TBC1D5: variants seen among roughly 807,000 people sequenced by gnomAD.
The protein encoded by TBC1D5 is TBC1 domain family, member 5.
Under a neutral mutation model 100.3 loss-of-function variants are expected in TBC1D5, and 75 were observed. The observed-to-expected ratio is 0.75, with a 90% CI of 0.62 to 0.91. The LOEUF (loss-of-function observed/expected upper bound fraction) is 0.91, where lower values mean the gene tolerates loss of function less well. Ranked by LOEUF, TBC1D5 falls within the 40% of genes least tolerant of loss-of-function variation. TBC1D5 has a pLI of 0.00. For missense variants in TBC1D5, 910 were observed against 942.4 expected (o/e 0.97, Z 0.45); for synonymous variants, 323 against 325.6 (o/e 0.99, Z 0.09).
intron 1 of TBC1D5, among the ~76,000 whole-genome samples, chr3:17,679,791 G>A (rs148879000): frequency 6.6e-6 from 1 of 151,432 alleles, no homozygotes; most frequent in Admixed American, 6.6e-5. Flanking sequence ...AAGTATTACT[G>A]ATTTATCTTT....
chr3:17,491,750 C>G (rs2095642877), intron 3 of TBC1D5, among the ~76,000 whole-genome samples: 3 of 152,058 alleles, frequency 2.0e-5, no homozygotes, highest in Admixed American at 1.3e-4. Context: ...GGGATGTTGC[C>G]TTAAGTTTTC....
chr3:17,382,827 G>A (rs1489457202), intron 9 of TBC1D5, among the ~76,000 whole-genome samples: 1 of 152,084 alleles, frequency 6.6e-6, no homozygotes, highest in East Asian at 1.9e-4. Context: ...CTTACAAAGT[G>A]CTGGGATTAT....
chr3:17,689,272 G>T (rs1260799126), intron 1 of TBC1D5, among the ~76,000 whole-genome samples: 1 of 152,138 alleles, frequency 6.6e-6, no homozygotes, highest in Non-Finnish European at 1.5e-5. Flanking sequence ...GGGCACAATG[G>T]CTCACGACTG....
At chr3:17,195,996 C>T (rs773836961) in intron 18 of TBC1D5, among the ~76,000 whole-genome samples, 2 of 152,114 alleles carry the variant, frequency 1.3e-5, no homozygotes, top group Admixed American at 6.5e-5. Flanking sequence ...CTCTAGAGGA[C>T]GCCAGAGCAA....
At chr3:17,415,678 T>A (rs1378250289) in intron 4 of TBC1D5, among the ~76,000 whole-genome samples, 3 of 152,090 alleles carry the variant, frequency 2.0e-5, no homozygotes, top group Non-Finnish European at 4.4e-5. Flanking sequence ...CATAATTAGA[T>A]TAATAATAAA....
intron 3 of TBC1D5, among the ~76,000 whole-genome samples, chr3:17,479,663 C>A (rs1194761380): frequency 6.6e-6 from 1 of 152,026 alleles, no homozygotes; most frequent in Non-Finnish European, 1.5e-5. Context: ...AGAGTGAGAC[C>A]CCATCTCTAC....
intron 14 of TBC1D5, among the ~76,000 whole-genome samples, chr3:17,294,014 CT>C (rs1400320896): frequency 2.0e-5 from 3 of 152,178 alleles, no homozygotes; most frequent in Non-Finnish European, 4.4e-5. Flanking sequence ...ACCCAAAAGT[CT>C]AGCTGCAGAG....
rs200712451 is a variant in TBC1D5 at position 17,455,269 on chromosome 3, CAT to C, written c.98-26752_98-26751del. ...TATTGTATATATGTATACATATATA[CAT>C]ATATGTGTGTATATATGTATATATG... On this transcript the variant is annotated intron_variant, in intron 3 of 21. Coordinates refer to ENST00000253692, the Ensembl canonical transcript of TBC1D5. Among the ~76,000 whole-genome samples the C allele has an allele frequency of 2.6e-3, 360 of 139,704 alleles. 5 individuals carry two copies. In the East Asian group the frequency reaches 0.05, roughly 20 times the overall value. The allele number at this position is 139,704 out of a possible 152,430, so 91.7% of individuals were successfully genotyped here.
intron 2 of TBC1D5, among the ~76,000 whole-genome samples, chr3:17,509,783 T>C (rs909465103): frequency 2.6e-5 from 4 of 152,060 alleles, no homozygotes; most frequent in Admixed American, 2.6e-4. Flanking sequence ...GTATCTCCAG[T>C]ATAATATCCA....
intron 18 of TBC1D5, among the ~76,000 whole-genome samples, chr3:17,199,237 A>G (rs1381611892): frequency 6.6e-6 from 1 of 152,254 alleles, no homozygotes; most frequent in South Asian, 2.1e-4. Flanking sequence ...AGGACTGAGG[A>G]TGTATGACTG....
At chr3:17,533,092 C>T (rs925391000) in intron 2 of TBC1D5, among the ~76,000 whole-genome samples, 1 of 151,660 alleles carries the variant, frequency 6.6e-6, no homozygotes, top group Non-Finnish European at 1.5e-5. Flanking sequence ...CACACACACA[C>T]ACACACACAC....
intron 3 of TBC1D5, among the ~76,000 whole-genome samples, chr3:17,482,587 G>C (rs1224308391): frequency 1.3e-5 from 2 of 152,170 alleles, no homozygotes; most frequent in African/African-American, 2.4e-5. Flanking sequence ...AAATTCGTTT[G>C]AGTGTCCAGA....
intron 14 of TBC1D5, among the ~76,000 whole-genome samples, chr3:17,301,726 A>G (rs2082865231): frequency 6.6e-6 from 1 of 152,236 alleles, no homozygotes; most frequent in African/African-American, 2.4e-5. Flanking sequence ...GAGAGCTAGA[A>G]TAATAGGAAA....
chr3:17,365,337 T>C (rs2092039336), intron 13 of TBC1D5, among the ~76,000 whole-genome samples: 1 of 152,216 alleles, frequency 6.6e-6, no homozygotes, highest in Admixed American at 6.5e-5. Flanking sequence ...GCACTTTTCC[T>C]TCTTGGCCTT....
intron 1 of TBC1D5, among the ~76,000 whole-genome samples, chr3:17,669,135 T>TTC (rs2067628380): frequency 6.6e-6 from 1 of 152,136 alleles, no homozygotes; most frequent in African/African-American, 2.4e-5. Context: ...AGTGAGTGAG[T>TTC]TCTCATCAGG....
At chr3:17,428,177 A>G (rs756983790) in intron 4 of TBC1D5, among the ~76,000 whole-genome samples, 100 of 151,902 alleles carry the variant, frequency 6.6e-4, no homozygotes, top group Non-Finnish European at 1.2e-3. Flanking sequence ...ATTCATTCCA[A>G]TTACCCTACT....
intron 16 of TBC1D5, among the ~76,000 whole-genome samples, chr3:17,242,792 G>A (rs1359149135): frequency 6.6e-6 from 1 of 151,920 alleles, no homozygotes. Context: ...TTTTCAAAAC[G>A]ACTATGGAAA....
chr3:17,581,673 C>CG (rs988229330), intron 2 of TBC1D5, among the ~76,000 whole-genome samples: 12 of 152,214 alleles, frequency 7.9e-5, no homozygotes, highest in Non-Finnish European at 1.6e-4. Flanking sequence ...GAATCTTCTA[C>CG]ATGATCTCTC....
At chr3:17,582,785 C>CA (rs140257082) in intron 2 of TBC1D5, among the ~76,000 whole-genome samples, 3,287 of 132,650 alleles carry the variant, frequency 0.025, 100 homozygotes, top group African/African-American at 0.082. Context: ...TACCAAAAAG[C>CA]AAAAAAAAAC....
Sources: gnomAD v4.1 joint callset for allele counts (sites outside exome capture counted in the v4.1 genomes callset) on GRCh38, gnomAD v4.1.1 for gene constraint, MANE v1.5 for transcripts, NCBI Gene and HGNC (gene_info 2026-07-23, HGNC 2026-07-21) for gene names.